Variants in RSPRY1 observed in about 807,000 individuals in gnomAD.
RSPRY1 encodes ring finger and SPRY domain containing 1.
A neutral mutation model predicts 73.1 loss-of-function variants in RSPRY1; 23 were observed. The observed-to-expected ratio is 0.31, with a 90% confidence interval of 0.23 to 0.45. The LOEUF (loss-of-function observed/expected upper bound fraction) is 0.45. Among genes scored for constraint, RSPRY1 ranks in the 20% least tolerant of loss-of-function variants. The pLI is 1.00. For synonymous variants in RSPRY1, 226 were observed against 251.4 expected, an observed-to-expected ratio of 0.90 and a Z score of 0.95; for missense variants, 448 against 698.7, an observed-to-expected ratio of 0.64 and a Z score of 4.05.
intron 13 of RSPRY1, among the ~76,000 whole-genome samples, chr16:57,234,518 A>G (rs1352341785): frequency 6.6e-6 from 1 of 152,248 alleles, no homozygotes; most frequent in Non-Finnish European, 1.5e-5. Flanking sequence ...GGCTTGGAAC[A>G]GTGCCTGGCA....
chr16:57,228,874 TG>T, intron 11 of RSPRY1, among the ~76,000 whole-genome samples: 1 of 152,256 alleles, frequency 6.6e-6, no homozygotes, highest in Non-Finnish European at 1.5e-5. Flanking sequence ...TGTATTTTTT[TG>T]GTAGAGACAG....
chr16:57,238,133 A>G (rs1039174182), intron 14 of RSPRY1, among the ~76,000 whole-genome samples: 2 of 152,216 alleles, frequency 1.3e-5, no homozygotes, highest in Non-Finnish European at 2.9e-5. Flanking sequence ...AGCAAGAAAT[A>G]TGTAGAGCGT....
chr16:57,204,288 G>T (rs2074682716), intron 1 of RSPRY1, among the ~76,000 whole-genome samples: 1 of 151,874 alleles, frequency 6.6e-6, no homozygotes, highest in Non-Finnish European at 1.5e-5. Context: ...AATATGGTTT[G>T]GCAATCAACT....
chr16:57,238,742 CA>C, intron 14 of RSPRY1, 136 bp from the exon 15 acceptor site: 1 of 520,482 alleles, frequency 1.9e-6, no homozygotes. Context: ...TTTACATATT[CA>C]TTTTTTTTAA....
At chr16:57,231,074 G>T in intron 12 of RSPRY1, 93 bp from the exon 13 acceptor site, 1 of 1,200,638 alleles carries the variant, frequency 8.3e-7, no homozygotes. Flanking sequence ...GGGTAGGATT[G>T]ACTCACCCTG....
chr16:57,226,112 G>A (rs1420359226), intron 10 of RSPRY1, among the ~76,000 whole-genome samples: 2 of 152,184 alleles, frequency 1.3e-5, no homozygotes, highest in African/African-American at 4.8e-5. Context: ...CCAAGGACCT[G>A]TACAATCCTC....
intron 8 of RSPRY1, among the ~76,000 whole-genome samples, chr16:57,217,580 G>C (rs2074962029): frequency 6.6e-6 from 1 of 152,192 alleles, no homozygotes; most frequent in African/African-American, 2.4e-5. Context: ...GCTTGGGACT[G>C]AAAGTATTTC....
chr16:57,205,794 G>A (rs1245494082), intron 2 of RSPRY1, among the ~76,000 whole-genome samples: 2 of 152,148 alleles, frequency 1.3e-5, no homozygotes, highest in Non-Finnish European at 2.9e-5. Flanking sequence ...CTGTAAATGG[G>A]GGGATAATAT....
rs869295634 is a variant in RSPRY1, at chr16:57,218,720, C to CT, written c.901+1718dup. ...CCATTTTGTATATGTGCCACATTTT[C>CT]TTTTTTTTTTTTTTTTTTTTTTTTT... On this transcript the variant is annotated intron_variant, in intron 8 of 14. Coordinates refer to ENST00000394420, the MANE Select transcript of RSPRY1 (RefSeq NM_133368.3). Among the ~76,000 whole-genome samples, 50 of 41,134 alleles carry CT rather than the reference C, an allele frequency of 1.2e-3. 10 individuals are homozygous for CT. The highest frequency in any genetic ancestry group is 3.2e-3 in the African/African-American group (29 of 9,124). 27.0% of individuals were successfully genotyped at this position (41,134 alleles called of 152,430 possible).
At chr16:57,215,598 C>T (rs1331759805) in intron 6 of RSPRY1, among the ~76,000 whole-genome samples, 2 of 152,174 alleles carry the variant, frequency 1.3e-5, no homozygotes, top group Admixed American at 1.3e-4. Flanking sequence ...CTCCTGTCTA[C>T]CATCAGCATT....
chr16:57,221,198 C>T (rs2075028911), intron 9 of RSPRY1, 74 bp from the exon 10 acceptor site: 1 of 1,543,360 alleles, frequency 6.5e-7, no homozygotes, highest in Non-Finnish European at 8.8e-7. Context: ...TACACTCAAC[C>T]TTCCCAGTAG....
At chr16:57,215,045 A>G (rs1301150850) in intron 6 of RSPRY1, among the ~76,000 whole-genome samples, 1 of 151,996 alleles carries the variant, frequency 6.6e-6, no homozygotes, top group African/African-American at 2.4e-5. Flanking sequence ...AAAAAAGACT[A>G]AATGAGAAGG....
intron 1 of RSPRY1, among the ~76,000 whole-genome samples, chr16:57,199,545 CAT>C (rs1431820389): frequency 2.6e-5 from 4 of 152,116 alleles, no homozygotes; most frequent in African/African-American, 9.7e-5. Flanking sequence ...TGGAGGCAAA[CAT>C]ATGAAGCTTT....
intron 1 of RSPRY1, among the ~76,000 whole-genome samples, chr16:57,193,505 T>C (rs536942261): frequency 1.4e-5 from 2 of 142,408 alleles, no homozygotes; most frequent in African/African-American, 5.1e-5. Context: ...TTTTTTTTTT[T>C]CTTTGGAGAC....
At chr16:57,227,497 AT>A (rs1384710797) in intron 11 of RSPRY1, 44 bp downstream of exon 11, 1 of 1,370,908 alleles carries the variant, frequency 7.3e-7, no homozygotes, top group East Asian at 2.3e-5. Flanking sequence ...GGGTTAAGAC[AT>A]CTGGTTATTA....
intron 1 of RSPRY1, among the ~76,000 whole-genome samples, chr16:57,191,647 T>C (rs2074353909): frequency 1.3e-5 from 2 of 152,234 alleles, no homozygotes; most frequent in Admixed American, 1.3e-4. Context: ...ATCAATTTAA[T>C]TTATAGGTTT....
chr16:57,222,024 T>C (rs972353031), intron 10 of RSPRY1, among the ~76,000 whole-genome samples: 21 of 152,238 alleles, frequency 1.4e-4, no homozygotes, highest in African/African-American at 5.1e-4. Flanking sequence ...CCCAGGCCAA[T>C]TGGCTTTCTT....
At chr16:57,191,398 A>G (rs2074349567) in intron 1 of RSPRY1, among the ~76,000 whole-genome samples, 1 of 152,192 alleles carries the variant, frequency 6.6e-6, no homozygotes, top group South Asian at 2.1e-4. Flanking sequence ...CATAACCTAA[A>G]ACTAGAACAA....
rs774109690 is a variant in RSPRY1 at position 57,221,332 on chromosome 16, G to C, written c.1078G>C (p.Val360Leu). Residue 360 changes from valine to leucine, a missense_variant, in exon 10 of 15, where the codon GTA (valine) becomes CTA (leucine). Transcript: ENST00000394420. ...VRCTFCVDAG[V>L]WYYEVTVVTS... ...TTGCACCTTTTGTGTGGATGCCGGG[G>C]TATGGTACTATGAAGTAACAGTGGT... is the stretch of plus-strand genomic sequence containing the variant. 6.2e-7 allele frequency: 1 copy of C among 1,614,126 alleles called. No individual in the cohort carries two copies.
Sources: gnomAD v4.1 joint callset for allele counts (sites outside exome capture counted in the v4.1 genomes callset) on GRCh38, gnomAD v4.1.1 for gene constraint, MANE v1.5 for transcripts, NCBI Gene and HGNC (gene_info 2026-07-23, HGNC 2026-07-21) for gene names.